The following SLC39A8 variants were observed in gnomAD, a reference collection of about 807,000 sequenced individuals.
The protein encoded by SLC39A8 is solute carrier family 39 member 8, also known as metal cation symporter ZIP8.
In SLC39A8, 15 loss-of-function variants were observed where a neutral mutation model predicts 40.4. The observed-to-expected ratio is 0.37, with a 90% confidence interval of 0.25 to 0.57. SLC39A8 has a LOEUF of 0.57. SLC39A8 is among the 20% of genes least tolerant of loss of function. The probability of loss-of-function intolerance (pLI) is 0.75; values close to 1 mark genes in which losing one functional copy is unlikely to be tolerated. For synonymous variants in SLC39A8, 223 were observed against 221.6 expected (o/e 1.01, Z -0.06); for missense variants, 472 against 558.8 (o/e 0.84, Z 1.57).
chr4:102,297,655 A>G (rs1733737648), intron 6 of SLC39A8, among the ~76,000 whole-genome samples: 1 of 152,030 alleles, frequency 6.6e-6, no homozygotes, highest in Non-Finnish European at 1.5e-5. Context: ...GGTGGCTCAC[A>G]CCTGTAATCC....
At chr4:102,302,471 C>T (rs1162484264) in intron 6 of SLC39A8, among the ~76,000 whole-genome samples, 1 of 152,028 alleles carries the variant, frequency 6.6e-6, no homozygotes, top group Non-Finnish European at 1.5e-5. Context: ...GCTTTCTCTG[C>T]TGTGCCTCGC....
At chr4:102,329,318 T>C (rs1735348138) in intron 2 of SLC39A8, among the ~76,000 whole-genome samples, 1 of 152,052 alleles carries the variant, frequency 6.6e-6, no homozygotes. Context: ...CATGCTCAGA[T>C]TTGCATATTA....
chr4:102,304,533 T>C (rs778996304), intron 5 of SLC39A8, 52 bp from the exon 6 acceptor site: 4 of 1,475,620 alleles, frequency 2.7e-6, no homozygotes, highest in South Asian at 1.2e-5. Context: ...AGATGATTCA[T>C]ACAGACAAGG....
chr4:102,344,389 G>A, intron 2 of SLC39A8, 55 bp downstream of exon 2: 1 of 1,282,800 alleles, frequency 7.8e-7, no homozygotes, highest in Non-Finnish European at 1.0e-6. Flanking sequence ...CATATACAAA[G>A]TGAAGTCTAG....
intron 1 of SLC39A8, 141 bp downstream of exon 1, chr4:102,345,204 G>A (rs1057383010): frequency 6.5e-6 from 1 of 152,726 alleles, no homozygotes; most frequent in African/African-American, 2.4e-5. Context: ...AAACTTAGAA[G>A]TGAGACGTGC....
chr4:102,276,155 T>C (rs1355793343), intron 6 of SLC39A8, among the ~76,000 whole-genome samples: 4 of 151,588 alleles, frequency 2.6e-5, no homozygotes, highest in Admixed American at 2.0e-4. Context: ...CTGAAGGAGA[T>C]TGAGACATGA....
Position 102,262,773 on chromosome 4 carries a change from A to C in SLC39A8, c.*271T>G. 1.8e-6 allele frequency: 2 copies of C among 1,142,352 alleles called. No individual in the cohort carries two copies. The highest frequency in any genetic ancestry group is 2.2e-6 in the Non-Finnish European group (2 of 929,408). 70.8% of individuals were successfully genotyped at this position (1,142,352 alleles called of 1,614,324 possible). ...AATGCATGTCTCTTGCTTCATGGTG[A>C]TATCTAATATGCATGGAATACTGAA... On this transcript the variant is annotated 3_prime_UTR_variant, in exon 9 of 9. Coordinates refer to ENST00000356736, the MANE Select transcript of SLC39A8 (RefSeq NM_001135146.2).
At chr4:102,340,912 G>A (rs538835453) in intron 2 of SLC39A8, among the ~76,000 whole-genome samples, 1 of 152,206 alleles carries the variant, frequency 6.6e-6, no homozygotes, top group Non-Finnish European at 1.5e-5. Flanking sequence ...GGCAGGAAAG[G>A]TCCAAGGAAG....
At chr4:102,283,336 A>G (rs1288579070) in intron 6 of SLC39A8, among the ~76,000 whole-genome samples, 1 of 152,240 alleles carries the variant, frequency 6.6e-6, no homozygotes, top group African/African-American at 2.4e-5. Context: ...ATGCAATAAG[A>G]GGTCAAGATA....
chr4:102,344,401 G>A (rs1359938865), intron 2 of SLC39A8, 43 bp downstream of exon 2: 11 of 1,373,980 alleles, frequency 8.0e-6, no homozygotes, highest in East Asian at 2.8e-5. Flanking sequence ...GAAGTCTAGG[G>A]ACACCCACAG....
intron 3 of SLC39A8, among the ~76,000 whole-genome samples, chr4:102,310,137 GT>G (rs1391283906): frequency 6.6e-6 from 1 of 151,914 alleles, no homozygotes; most frequent in Non-Finnish European, 1.5e-5. Context: ...CAAACACTAT[GT>G]TTTCCCAACC....
At chr4:102,309,810 C>T (rs753252084) in intron 3 of SLC39A8, among the ~76,000 whole-genome samples, 2 of 152,094 alleles carry the variant, frequency 1.3e-5, no homozygotes, top group Non-Finnish European at 2.9e-5. Context: ...CAGTTTTTCA[C>T]TTTCCACCAA....
intron 6 of SLC39A8, among the ~76,000 whole-genome samples, chr4:102,288,898 C>G (rs928770914): frequency 2.6e-5 from 4 of 152,140 alleles, no homozygotes; most frequent in African/African-American, 9.7e-5. Context: ...AGTGAAGTAG[C>G]AAGTTCTGAT....
intron 6 of SLC39A8, among the ~76,000 whole-genome samples, chr4:102,291,680 T>C (rs4588460): frequency 0.13 from 14,813 of 110,548 alleles, 800 homozygotes; most frequent in South Asian, 0.21. Context: ...TTCTGTTTTT[T>C]CTTTGTTATG....
At chr4:102,319,063 G>T (rs983431902) in intron 2 of SLC39A8, among the ~76,000 whole-genome samples, 3 of 152,180 alleles carry the variant, frequency 2.0e-5, no homozygotes, top group Admixed American at 2.0e-4. Context: ...CCAAAGTAAG[G>T]TAGCATTATA....
chr4:102,320,087 G>T (rs1285995568), intron 2 of SLC39A8, among the ~76,000 whole-genome samples: 2 of 148,822 alleles, frequency 1.3e-5, no homozygotes, highest in East Asian at 4.0e-4. Flanking sequence ...CCAATCTGTA[G>T]CCTGCAGACA....
At chr4:102,310,104 C>G (rs543721584) in intron 3 of SLC39A8, among the ~76,000 whole-genome samples, 1 of 152,024 alleles carries the variant, frequency 6.6e-6, no homozygotes, top group African/African-American at 2.4e-5. Flanking sequence ...GTTATTTACC[C>G]CCTTCTCAAC....
intron 6 of SLC39A8, among the ~76,000 whole-genome samples, chr4:102,302,429 T>C (rs778223956): frequency 9.2e-5 from 14 of 152,022 alleles, no homozygotes; most frequent in Non-Finnish European, 1.8e-4. Context: ...AGACACATGG[T>C]ATAAGGAAGG....
In SLC39A8 at chr4:102,342,091, C is replaced by T. The variant is rs185284912; in HGVS notation, c.219+2353G>A. ...AGAATTGGGTGGTTTCACACTGGAG[C>T]ATACATGAATGTTGTGGGCTCAAGT... On this transcript the variant is annotated intron_variant, in intron 2 of 8. Coordinates refer to ENST00000356736, the MANE Select transcript of SLC39A8 (RefSeq NM_001135146.2). Among the ~76,000 whole-genome samples the T allele has an allele frequency of 2.6e-5, 4 of 152,320 alleles. No homozygotes were observed. In the East Asian group the frequency reaches 7.7e-4, roughly 29 times the overall value.
Sources: allele counts gnomAD v4.1 joint callset (sites outside exome capture counted in the v4.1 genomes callset), GRCh38; gene constraint gnomAD v4.1.1; transcripts MANE v1.5; gene names NCBI Gene and HGNC (gene_info 2026-07-23, HGNC 2026-07-21).